Variants in NEDD4L observed in about 807,000 individuals in gnomAD.
The protein encoded by NEDD4L is NEDD4 like E3 ubiquitin protein ligase.
A neutral mutation model predicts 148.9 loss-of-function variants in NEDD4L; 54 were observed. That is an observed-to-expected ratio of 0.36 (90% CI 0.29 to 0.45). NEDD4L has a LOEUF of 0.45. Among genes scored for constraint, NEDD4L ranks in the 20% least tolerant of loss-of-function variants. NEDD4L has a pLI of 1.00. For synonymous variants in NEDD4L, 433 were observed against 440.7 expected, an observed-to-expected ratio of 0.98 and a Z score of 0.22; for missense variants, 856 against 1,233.8, an observed-to-expected ratio of 0.69 and a Z score of 4.59.
At chr18:58,186,457 A>G (rs1479711588) in intron 2 of NEDD4L, among the ~76,000 whole-genome samples, 2 of 152,080 alleles carry the variant, frequency 1.3e-5, no homozygotes, top group East Asian at 1.9e-4. Context: ...TTTTTTTTAT[A>G]ATGTGTGAGT....
rs147303107 is a variant in NEDD4L at position 58,354,899 on chromosome 18, C to A, written c.1709-2295C>A. Reference sequence around the variant, plus strand: ...CTGAGTAGGATTGAGGCAGTCAAAGCCCCAGGAAGAGTGATCCTAGGATGC... The same window carrying A: ...CTGAGTAGGATTGAGGCAGTCAAAGACCCAGGAAGAGTGATCCTAGGATGC... On this transcript the variant is annotated intron_variant, in intron 18 of 30. Coordinates refer to ENST00000400345, the MANE Select transcript of NEDD4L (RefSeq NM_001144967.3). 8.5e-5 allele frequency among the ~76,000 whole-genome samples: 13 copies of A among 152,262 alleles called. No individual in the cohort carries two copies. The East Asian group carries it at 2.3e-3, about 27-fold the overall frequency.
At chr18:58,053,788 G>A (rs2081983521) in intron 1 of NEDD4L, among the ~76,000 whole-genome samples, 2 of 152,212 alleles carry the variant, frequency 1.3e-5, no homozygotes, top group South Asian at 4.1e-4. Flanking sequence ...AGTGCACTTG[G>A]GAACCATGGC....
intron 18 of NEDD4L, among the ~76,000 whole-genome samples, chr18:58,356,816 C>CT (rs1183478238): frequency 6.6e-6 from 1 of 152,006 alleles, no homozygotes; most frequent in East Asian, 1.9e-4. Context: ...GTTTGTTAGC[C>CT]TTTTGGGAAA....
At chr18:58,269,758 G>C (rs1009422979) in intron 5 of NEDD4L, among the ~76,000 whole-genome samples, 7 of 151,878 alleles carry the variant, frequency 4.6e-5, no homozygotes, top group African/African-American at 1.7e-4. Flanking sequence ...TGTAAATACT[G>C]ATTTAATGCA....
At position 58,124,313 on chromosome 18, in the gene NEDD4L, C is replaced by T. The variant is rs375957180; in HGVS notation, c.49-41475C>T. ...TGCATGGCCTGCCCTCATCTTCCTC[C>T]GCCTGCGGTGCCTTTGAGAGCATTG... is the stretch of plus-strand genomic sequence containing the variant. On this transcript the variant is annotated intron_variant, in intron 1 of 30. Transcript: ENST00000400345. 7.2e-5 allele frequency among the ~76,000 whole-genome samples: 11 copies of T among 152,318 alleles called. No homozygotes were observed. The East Asian group carries it at 7.7e-4, about 11-fold the overall frequency.
chr18:58,285,740 CTCTT>C (rs2053817402), intron 5 of NEDD4L, among the ~76,000 whole-genome samples: 2 of 152,124 alleles, frequency 1.3e-5, no homozygotes, highest in South Asian at 2.1e-4. Context: ...TGAAAGCTGG[CTCTT>C]TCTAACATTC....
At chr18:58,103,116 C>T (rs2084864430) in intron 1 of NEDD4L, among the ~76,000 whole-genome samples, 1 of 151,812 alleles carries the variant, frequency 6.6e-6, no homozygotes, top group South Asian at 2.1e-4. Flanking sequence ...GGACAGGAGA[C>T]TGACCTTTGT....
At chr18:58,281,210 T>G (rs2053018512) in intron 5 of NEDD4L, among the ~76,000 whole-genome samples, 4 of 152,052 alleles carry the variant, frequency 2.6e-5, no homozygotes, top group Admixed American at 2.6e-4. Flanking sequence ...ACTCCTGAGC[T>G]CAAGCAATCA....
At chr18:58,197,263 C>CTTA (rs1247685829) in intron 2 of NEDD4L, among the ~76,000 whole-genome samples, 5 of 152,140 alleles carry the variant, frequency 3.3e-5, no homozygotes, top group African/African-American at 1.2e-4. Context: ...CGCCATAAAC[C>CTTA]TTAACCTGTT....
chr18:58,190,803 C>G (rs1217452915), intron 2 of NEDD4L, among the ~76,000 whole-genome samples: 1 of 152,122 alleles, frequency 6.6e-6, no homozygotes, highest in Admixed American at 6.5e-5. Context: ...TTAAATCTGT[C>G]TTTTTCTGCC....
At chr18:58,096,335 T>C (rs929616067) in intron 1 of NEDD4L, among the ~76,000 whole-genome samples, 2 of 143,718 alleles carry the variant, frequency 1.4e-5, no homozygotes, top group Non-Finnish European at 3.0e-5. Context: ...CTTAGTGTGA[T>C]TATTTTATTT....
At chr18:58,151,382 T>G (rs1349330347) in intron 1 of NEDD4L, among the ~76,000 whole-genome samples, 1 of 152,248 alleles carries the variant, frequency 6.6e-6, no homozygotes, top group Non-Finnish European at 1.5e-5. Flanking sequence ...CTGTTGCGTG[T>G]TAGCACATCA....
At chr18:58,108,272 G>A (rs1276307180) in intron 1 of NEDD4L, among the ~76,000 whole-genome samples, 3 of 152,136 alleles carry the variant, frequency 2.0e-5, no homozygotes, top group Non-Finnish European at 2.9e-5. Flanking sequence ...TTCTTATCAG[G>A]GGAGAGATCA....
At chr18:58,327,240 GGC>G (rs2059391147) in intron 9 of NEDD4L, among the ~76,000 whole-genome samples, 1 of 152,210 alleles carries the variant, frequency 6.6e-6, no homozygotes, top group Non-Finnish European at 1.5e-5. Flanking sequence ...TGGGATTACA[GGC>G]GCCCGCCGCC....
chr18:58,126,474 T>C (rs1407218092), intron 1 of NEDD4L, among the ~76,000 whole-genome samples: 1 of 73,586 alleles, frequency 1.4e-5, no homozygotes, highest in Non-Finnish European at 3.4e-5. Flanking sequence ...TTCATTCCTT[T>C]TTATGGCAGA....
chr18:58,266,656 G>A (rs1044026667), intron 5 of NEDD4L, among the ~76,000 whole-genome samples: 1 of 152,158 alleles, frequency 6.6e-6, no homozygotes, highest in East Asian at 1.9e-4. Flanking sequence ...TCATTATGCT[G>A]TTGTGTTGTG....
At chr18:58,260,896 C>T (rs995121005) in intron 5 of NEDD4L, among the ~76,000 whole-genome samples, 2 of 152,200 alleles carry the variant, frequency 1.3e-5, no homozygotes, top group Admixed American at 1.3e-4. Context: ...TAGACTCCCT[C>T]TCTAAGCCTA....
chr18:58,315,639 C>T (rs2058174838), intron 5 of NEDD4L, among the ~76,000 whole-genome samples: 1 of 152,098 alleles, frequency 6.6e-6, no homozygotes, highest in African/African-American at 2.4e-5. Flanking sequence ...TAAAATGTTC[C>T]CAGCATTTGT....
At position 58,398,655 on chromosome 18, in the gene NEDD4L, T is replaced by C. The variant is rs1037198261; in HGVS notation, c.*2386T>C. 3.3e-5 allele frequency: 5 copies of C among 152,206 alleles called. No individual in the cohort carries two copies. Among genetic ancestry groups the C allele is most frequent in the African/African-American group, 1.2e-4 (5 of 41,462 alleles). 9.4% of individuals were successfully genotyped at this position (152,206 alleles called of 1,614,324 possible). Reference sequence around the variant, plus strand: ...GCTTAATTTTAATGACAACTAAATATGCTGAAGTGAGGATTTAGTATTTTT... The same window carrying C: ...GCTTAATTTTAATGACAACTAAATACGCTGAAGTGAGGATTTAGTATTTTT... On this transcript the variant is annotated 3_prime_UTR_variant, in exon 31 of 31. Coordinates refer to ENST00000400345, the MANE Select transcript of NEDD4L (RefSeq NM_001144967.3).
Sources: allele counts gnomAD v4.1 joint callset (sites outside exome capture counted in the v4.1 genomes callset), GRCh38; gene constraint gnomAD v4.1.1; transcripts MANE v1.5; gene names NCBI Gene and HGNC (gene_info 2026-07-23, HGNC 2026-07-21).